The following ALG14 variants were observed in gnomAD, a reference collection of about 807,000 sequenced individuals.
ALG14 encodes the protein ALG14 UDP-N-acetylglucosaminyltransferase subunit, also known as UDP-N-acetylglucosamine transferase subunit ALG14.
ALG14 carries 17 observed loss-of-function variants against 22.8 expected under a neutral mutation model. The ratio of observed to expected loss-of-function variants is 0.75; its 90% CI spans 0.51 to 1.12. ALG14 has a LOEUF of 1.12. Among genes scored for constraint, ALG14 ranks in the 50% most tolerant of loss-of-function variants. The pLI, the probability that ALG14 is intolerant of heterozygous loss-of-function variation, is 0.00. For synonymous variants in ALG14, 89 were observed against 103.7 expected (o/e 0.86, Z 0.86); for missense variants, 288 against 271.8 (o/e 1.06, Z -0.42).
intron 2 of ALG14, among the ~76,000 whole-genome samples, chr1:95,053,324 G>T (rs1190217337): frequency 1.3e-5 from 2 of 151,880 alleles, no homozygotes; most frequent in Non-Finnish European, 2.9e-5. Flanking sequence ...CTTCATAAAT[G>T]ATTAAAAATA....
chr1:95,039,625 C>A (rs374395342), intron 2 of ALG14, among the ~76,000 whole-genome samples: 17 of 152,092 alleles, frequency 1.1e-4, no homozygotes, highest in African/African-American at 4.1e-4. Flanking sequence ...GTAAAATACT[C>A]TTTAAGTATA....
intron 2 of ALG14, among the ~76,000 whole-genome samples, chr1:95,057,504 T>C (rs1247633010): frequency 2.0e-5 from 3 of 151,678 alleles, no homozygotes; most frequent in Non-Finnish European, 4.4e-5. Flanking sequence ...GTGCAAATAC[T>C]ACGTCATCTT....
chr1:95,021,928 C>T (rs1245155469), intron 3 of ALG14, among the ~76,000 whole-genome samples: 1 of 152,178 alleles, frequency 6.6e-6, no homozygotes, highest in African/African-American at 2.4e-5. Context: ...CTTGGGAAAA[C>T]ACATTGGCTT....
chr1:95,050,147 C>T (rs538131707), intron 2 of ALG14, among the ~76,000 whole-genome samples: 24 of 152,264 alleles, frequency 1.6e-4, no homozygotes, highest in African/African-American at 5.5e-4. Flanking sequence ...ATTCCTGAAG[C>T]GTTCCGAGCG....
chr1:95,048,924 T>C (rs1415199311), intron 2 of ALG14, among the ~76,000 whole-genome samples: 1 of 152,152 alleles, frequency 6.6e-6, no homozygotes, highest in Non-Finnish European at 1.5e-5. Flanking sequence ...AGTTAAAAAG[T>C]TATTAAACCA....
chr1:94,990,603 G>A (rs1174964233), intron 3 of ALG14, among the ~76,000 whole-genome samples: 3 of 152,070 alleles, frequency 2.0e-5, no homozygotes, highest in African/African-American at 7.2e-5. Context: ...TTTCTACATA[G>A]GCACAATTGT....
At chr1:95,035,308 T>A (rs1435240276) in intron 2 of ALG14, among the ~76,000 whole-genome samples, 1 of 152,214 alleles carries the variant, frequency 6.6e-6, no homozygotes, top group Admixed American at 6.5e-5. Context: ...TTCACACTAT[T>A]GGCCAAAGAA....
Position 95,027,181 on chromosome 1 carries a change from A to C in ALG14, c.368T>G (p.Leu123Trp), listed in dbSNP as rs1313035288. 1.2e-6 allele frequency: 2 copies of C among 1,614,128 alleles called. No homozygotes were observed. Among genetic ancestry groups the C allele is most frequent in the Non-Finnish European group, 1.7e-6 (2 of 1,179,974 alleles). Residue 123 changes from leucine (L) to tryptophan (W), a missense_variant, in exon 3 of 4, where the codon TTG becomes TGG. Leu to Trp is a moderately conservative substitution (Grantham distance 61). Transcript: ENST00000370205. ...QSWPSTVFTT[L>W]HSMWLSFPLI... is the part of the protein sequence containing the mutation. ...GGGAAAGGAGAGCCACATGGAGTGCAAGGTGGTGAAAACGGTGGAGGGCCA... is the reference window on the plus strand; with the variant it reads ...GGGAAAGGAGAGCCACATGGAGTGCCAGGTGGTGAAAACGGTGGAGGGCCA...
At chr1:94,996,486 C>A (rs570917175) in intron 3 of ALG14, among the ~76,000 whole-genome samples, 1 of 152,288 alleles carries the variant, frequency 6.6e-6, no homozygotes, top group Admixed American at 6.5e-5. Flanking sequence ...CTGAACCCAT[C>A]TGGGAGGGGC....
chr1:95,062,071 A>G (rs1675178948), intron 2 of ALG14: 1 of 152,214 alleles, frequency 6.6e-6, no homozygotes, highest in Admixed American at 6.5e-5. Flanking sequence ...GGCAGACACA[A>G]GTATGATTTG....
At chr1:95,048,795 T>C (rs1484607070) in intron 2 of ALG14, among the ~76,000 whole-genome samples, 2 of 148,352 alleles carry the variant, frequency 1.3e-5, no homozygotes, top group East Asian at 3.9e-4. Context: ...TCAAATATCC[T>C]TTTTTTTTTT....
chr1:94,986,935 C>A (rs1377632736), intron 3 of ALG14, among the ~76,000 whole-genome samples: 3 of 152,118 alleles, frequency 2.0e-5, no homozygotes, highest in African/African-American at 7.2e-5. Context: ...GCATCGAATT[C>A]CCCTGGTGAA....
At chr1:95,066,844 G>C (rs1675386811) in intron 1 of ALG14, among the ~76,000 whole-genome samples, 1 of 151,724 alleles carries the variant, frequency 6.6e-6, no homozygotes, top group Non-Finnish European at 1.5e-5. Flanking sequence ...CTGTGCAACA[G>C]AGCGAGACTC....
chr1:95,054,876 C>T (rs1571661777), intron 2 of ALG14, among the ~76,000 whole-genome samples: 3 of 152,330 alleles, frequency 2.0e-5, no homozygotes, highest in African/African-American at 7.2e-5. Flanking sequence ...AGGAAAAGTA[C>T]AATCTCACAC....
At chr1:95,068,396 C>G (rs1675448780) in intron 1 of ALG14, among the ~76,000 whole-genome samples, 1 of 152,128 alleles carries the variant, frequency 6.6e-6, no homozygotes, top group Non-Finnish European at 1.5e-5. Context: ...AAGCGATTCT[C>G]CTGCCTCAGC....
At chr1:95,062,184 G>T (rs567675665) in intron 2 of ALG14, 1 of 152,144 alleles carries the variant, frequency 6.6e-6, no homozygotes, top group Non-Finnish European at 1.5e-5. Flanking sequence ...AGGATGCTTC[G>T]TGTATGTAAG....
chr1:95,067,189 C>T (rs901640935), intron 1 of ALG14: 5 of 152,168 alleles, frequency 3.3e-5, no homozygotes, highest in African/African-American at 1.2e-4. Flanking sequence ...TATACCAAAA[C>T]CACAACCTTG....
Position 94,980,156 on chromosome 1 carries a change from A to T in ALG14, c.*2920T>A, listed in dbSNP as rs1672470779. The T allele has an allele frequency of 6.6e-6, 1 of 151,996 alleles. No homozygotes were observed. The highest frequency in any genetic ancestry group is 1.5e-5 in the Non-Finnish European group (1 of 67,996). 9.4% of individuals were successfully genotyped at this position (151,996 alleles called of 1,614,324 possible). A position where few individuals can be genotyped will look rare whatever the true frequency, so the allele number is the denominator to read the frequency against. On this transcript the variant is annotated 3_prime_UTR_variant, in exon 4 of 4. Coordinates refer to ENST00000370205, the MANE Select transcript of ALG14 (RefSeq NM_144988.4). ...CCATGTATCTTTGAAAGGTAGAATG[A>T]TGTGTTCCAAGTTGCTTTTATAAGG... is the stretch of plus-strand genomic sequence containing the variant.
chr1:95,016,622 AAAG>A (rs1252732147), intron 3 of ALG14, among the ~76,000 whole-genome samples: 2 of 152,170 alleles, frequency 1.3e-5, no homozygotes, highest in Non-Finnish European at 2.9e-5. Flanking sequence ...CCAGGACTTT[AAAG>A]AAGAAGGTTC....
Sources: gnomAD v4.1 joint callset for allele counts (sites outside exome capture counted in the v4.1 genomes callset) on GRCh38, gnomAD v4.1.1 for gene constraint, MANE v1.5 for transcripts, NCBI Gene and HGNC (gene_info 2026-07-23, HGNC 2026-07-21) for gene names.